KNG1: variants seen among roughly 807,000 people sequenced by gnomAD.
The protein encoded by KNG1 is kininogen 1.
KNG1 carries 23 observed loss-of-function variants against 47.8 expected under a neutral mutation model. That is an observed-to-expected ratio of 0.48 (90% confidence interval 0.35 to 0.68). The LOEUF is 0.68. Ranked by LOEUF, KNG1 falls within the 30% of genes least tolerant of loss-of-function variation. The pLI is 0.01. For synonymous variants in KNG1, 277 were observed against 277.0 expected, an observed-to-expected ratio of 1.00 and a Z score of 0.00; for missense variants, 762 against 790.2, an observed-to-expected ratio of 0.96 and a Z score of 0.43.
chr3:186,741,832 TTGATGA>T lies in KNG1; in HGVS notation c.1441_1446del (p.Asp481_Asp482del). On this transcript the variant is annotated inframe_deletion, in exon 10 of 10. Coordinates refer to ENST00000644859, the MANE Select transcript of KNG1 (RefSeq NM_001102416.3). ...CTTGGTCATGGACATAAGTTCAAACTTGATGATGATCTTGAACACCAAGGGGGCCAT... is the reference window on the plus strand; with the variant it reads ...CTTGGTCATGGACATAAGTTCAAACTTGATCTTGAACACCAAGGGGGCCAT... The T allele has an allele frequency of 1.9e-6, 3 of 1,613,724 alleles. No individual in the cohort carries two copies. The highest frequency in any genetic ancestry group is 2.5e-6 in the Non-Finnish European group (3 of 1,179,766).
intron 2 of KNG1, chr3:186,722,062 C>A: frequency 5.7e-6 from 1 of 176,078 alleles, no homozygotes; most frequent in Non-Finnish European, 1.2e-5. Context: ...TTGCAGTGAA[C>A]CGAGAGATCG....
At chr3:186,726,588 C>T (rs1390752852) in intron 4 of KNG1, among the ~76,000 whole-genome samples, 1 of 152,208 alleles carries the variant, frequency 6.6e-6, no homozygotes, top group African/African-American at 2.4e-5. Flanking sequence ...CCACGCCCGC[C>T]CCTCCCAGAC....
In KNG1 at chr3:186,727,260, A is replaced by G. The variant is rs750981714; in HGVS notation, c.588A>G (p.Arg196=). 1.9e-6 allele frequency: 3 copies of G among 1,613,392 alleles called. No individual in the cohort carries two copies. In the Admixed American group the frequency reaches 5.0e-5, roughly 27 times the overall value. Residue 196 remains arginine, a synonymous_variant, in exon 5 of 10, where the codon CGA becomes CGG. Transcript: ENST00000644859. Reference sequence around the variant, plus strand: ...AGGTGGTGGCTGGATTGAACTTTCGAATTACCTACTCAATTGTGCAAACGA... The same window carrying G: ...AGGTGGTGGCTGGATTGAACTTTCGGATTACCTACTCAATTGTGCAAACGA... ...QRQVVAGLNF[R]ITYSIVQTNC... is the part of the protein sequence containing the mutation.
At chr3:186,731,434 A>G (rs1381513628) in intron 5 of KNG1, 111 bp from the exon 6 acceptor site, 3 of 699,098 alleles carry the variant, frequency 4.3e-6, no homozygotes, top group African/African-American at 1.8e-5. Flanking sequence ...TTTTTTTTCT[A>G]TGCAATGATT....
In KNG1 at chr3:186,743,002, T is replaced by G. The variant is rs891584847; in HGVS notation, c.*671T>G. 6.9e-5 allele frequency: 66 copies of G among 955,240 alleles called. No homozygotes were observed. Among genetic ancestry groups the G allele is most frequent in the Non-Finnish European group, 7.4e-5 (59 of 802,354 alleles). The allele number at this position is 955,240 out of a possible 1,614,324, so 59.2% of individuals were successfully genotyped here. On this transcript the variant is annotated 3_prime_UTR_variant, in exon 10 of 10. Coordinates refer to ENST00000644859, the MANE Select transcript of KNG1 (RefSeq NM_001102416.3). ...GGGACATAAATTAATTGACTTTCTA[T>G]TCCCAAAATGGGCTAGTTATATCAA...
Position 186,720,091 on chromosome 3 carries a change from T to C in KNG1, c.196-14T>C. On this transcript the variant is annotated splice_polypyrimidine_tract_variant and intron_variant, in intron 1 of 9. Coordinates refer to ENST00000644859, the MANE Select transcript of KNG1 (RefSeq NM_001102416.3). ...CAGTTGGATGAACCCTAAGTATCTT[T>C]GGCTGCTTTTCAGGTTGGCTCTGAC... The C allele has an allele frequency of 6.4e-7, 1 of 1,563,320 alleles. No homozygotes were observed. Among genetic ancestry groups the C allele is most frequent in the Non-Finnish European group, 8.8e-7 (1 of 1,133,642 alleles).
At chr3:186,735,166 T>G (rs1720637815) in intron 7 of KNG1, among the ~76,000 whole-genome samples, 1 of 152,222 alleles carries the variant, frequency 6.6e-6, no homozygotes, top group Admixed American at 6.6e-5. Flanking sequence ...TGAAATTATT[T>G]TATTCTTTTT....
chr3:186,720,466 T>C, intron 2 of KNG1: 2 of 498,084 alleles, frequency 4.0e-6, no homozygotes, highest in Non-Finnish European at 3.6e-6. Flanking sequence ...AGCCAGAACA[T>C]GTGGCTCAGA....
chr3:186,725,562 T>TTTTTTTTTTA (rs1720339476), intron 4 of KNG1, among the ~76,000 whole-genome samples: 1 of 142,732 alleles, frequency 7.0e-6, no homozygotes, highest in African/African-American at 2.6e-5. Flanking sequence ...TTTTTTTTTT[T>TTTTTTTTTTA]GAGACAGAGT....
chr3:186,725,188 TC>T lies in KNG1; in HGVS notation c.493del (p.Gln165SerfsTer18), dbSNP rs1333275268. 2.5e-6 allele frequency: 4 copies of T among 1,614,046 alleles called. No homozygotes were observed. The African/African-American group carries it at 5.3e-5, about 22-fold the overall frequency. ...TGGAGCCCATTCTGAGACACGGCATTCAGTACTTTAACAACAACACTCAACA... is the reference window on the plus strand; with the variant it reads ...TGGAGCCCATTCTGAGACACGGCATTAGTACTTTAACAACAACACTCAACA... ...DLEPILRHGI[Q>X]YFNNNTQHSS... On this transcript the variant is annotated frameshift_variant, in exon 4 of 10. Transcript: ENST00000644859. LOFTEE classifies it high-confidence loss of function.
chr3:186,728,048 C>T (rs1445930771), intron 5 of KNG1, among the ~76,000 whole-genome samples: 2 of 152,126 alleles, frequency 1.3e-5, no homozygotes, highest in Non-Finnish European at 2.9e-5. Flanking sequence ...TCAAACTTTT[C>T]TCTGTTTGTT....
rs150340694 is a variant in KNG1 at position 186,731,632 on chromosome 3, A to G, written c.757+3A>G. The G allele has an allele frequency of 1.2e-4, 188 of 1,565,844 alleles. No homozygotes were observed. In the East Asian group the frequency reaches 4.1e-3, roughly 34 times the overall value. On this transcript the variant is annotated splice_donor_region_variant and intron_variant, in intron 6 of 9. Coordinates refer to ENST00000644859, the MANE Select transcript of KNG1 (RefSeq NM_001102416.3). ...ACAGAACTGTGACATTTATCCAGGTAAGGAATAACACATGTTGGCACCGCA... is the reference window on the plus strand; with the variant it reads ...ACAGAACTGTGACATTTATCCAGGTGAGGAATAACACATGTTGGCACCGCA...
intron 5 of KNG1, among the ~76,000 whole-genome samples, chr3:186,729,464 A>G (rs1259512190): frequency 6.6e-6 from 1 of 152,218 alleles, no homozygotes; most frequent in Non-Finnish European, 1.5e-5. Context: ...AAAATGTGCT[A>G]TTATATATAC....
chr3:186,717,635 G>A lies in KNG1; in HGVS notation c.93G>A (p.Lys31=), dbSNP rs1720020215. ...CCGAGGAAATTGACTGCAATGACAA[G>A]GATTTATTTAAAGCTGTGGATGCTG... The part of the protein sequence containing the change: ...SQSEEIDCND[K]DLFKAVDAAL... The change falls in exon 1 of 10, where the codon AAG becomes AAA. Residue 31 remains lysine, a synonymous_variant. Transcript: ENST00000644859. The A allele has an allele frequency of 2.5e-6, 4 of 1,613,030 alleles. No individual in the cohort carries two copies. The East Asian group carries it at 6.7e-5, about 27-fold the overall frequency.
intron 5 of KNG1, among the ~76,000 whole-genome samples, chr3:186,727,771 C>T (rs1428864138): frequency 1.3e-5 from 2 of 152,140 alleles, no homozygotes; most frequent in Admixed American, 6.6e-5. Context: ...AGGGTTTTAC[C>T]GTGTTAGCCA....
At chr3:186,727,042 T>TGTGTGTG (rs376637646) in intron 4 of KNG1, among the ~76,000 whole-genome samples, 195 bp from the exon 5 acceptor site, 142 of 143,966 alleles carry the variant, frequency 9.9e-4, no homozygotes, top group African/African-American at 2.8e-3. Flanking sequence ...GTGTGTGTGT[T>TGTGTGTG]TGTGTGAGAG....
chr3:186,727,114 T>A (rs2304455), intron 4 of KNG1, 123 bp from the exon 5 acceptor site: 163,968 of 726,146 alleles, frequency 0.23, 19,646 homozygotes, highest in South Asian at 0.32. Flanking sequence ...AATAATAATA[T>A]TTTATATTTC....
chr3:186,725,010 C>G lies in KNG1; in HGVS notation c.392-78C>G. ...ACAGGCATGAGCCACCACGCCCAGC[C>G]TCTTCTTTGTTTAGGGCAGTGTATG... On this transcript the variant is annotated intron_variant, in intron 3 of 9. Transcript: ENST00000644859. The G allele has an allele frequency of 4.0e-6, 6 of 1,515,236 alleles. No individual in the cohort carries two copies. In the Admixed American group the frequency reaches 1.1e-4, roughly 27 times the overall value. 93.9% of individuals were successfully genotyped at this position (1,515,236 alleles called of 1,614,324 possible).
At chr3:186,727,437 G>C (rs745406965) in intron 5 of KNG1, 93 bp downstream of exon 5, 1 of 823,780 alleles carries the variant, frequency 1.2e-6, no homozygotes, top group Non-Finnish European at 2.1e-6. Flanking sequence ...GTCACGAAAA[G>C]TTTAGATGAC....
Sources: gnomAD v4.1 joint callset for allele counts (sites outside exome capture counted in the v4.1 genomes callset) on GRCh38, gnomAD v4.1.1 for gene constraint, MANE v1.5 for transcripts, NCBI Gene and HGNC (gene_info 2026-07-23, HGNC 2026-07-21) for gene names.